The following PFKM variants were observed in gnomAD, a reference collection of about 807,000 sequenced individuals.
The protein encoded by PFKM is ATP-dependent 6-phosphofructokinase, muscle type.
PFKM carries 58 observed loss-of-function variants against 95.5 expected under a neutral mutation model. That is an observed-to-expected ratio of 0.61 (90% CI 0.49 to 0.76). The LOEUF (loss-of-function observed/expected upper bound fraction) is 0.76. Ranked by LOEUF, PFKM falls within the 30% of genes least tolerant of loss-of-function variation. The pLI, the probability that PFKM is intolerant of heterozygous loss-of-function variation, is 0.00. For synonymous variants in PFKM, 336 were observed against 357.2 expected (o/e 0.94, Z 0.67); for missense variants, 678 against 1,005.4 (o/e 0.67, Z 4.40).
In PFKM at chr12:48,140,038, T is replaced by C. The variant is rs77822177; in HGVS notation, c.1191+126T>C. The C allele has an allele frequency of 0.012, 8,344 of 697,612 alleles. 747 individuals carry two copies. The Admixed American group carries it at 0.16, about 13-fold the overall frequency. The allele number at this position is 697,612 out of a possible 1,614,324, so 43.2% of individuals were successfully genotyped here. On this transcript the variant is annotated intron_variant, in intron 13 of 22. Coordinates refer to ENST00000359794, the MANE Select transcript of PFKM (RefSeq NM_000289.6). ...TTCTCTGCCCCACTCTGATCTTCAGTGCTGGGTCCCTGGCCCTATTATAAT... is the reference window on the plus strand; with the variant it reads ...TTCTCTGCCCCACTCTGATCTTCAGCGCTGGGTCCCTGGCCCTATTATAAT...
intron 2 of PFKM, chr12:48,108,024 C>T (rs1022529433): frequency 1.4e-5 from 22 of 1,593,506 alleles, no homozygotes; most frequent in Non-Finnish European, 1.7e-5. Flanking sequence ...GGAACACTCC[C>T]TTCCCAGAAT....
At chr12:48,136,099 G>C (rs144488860) in intron 10 of PFKM, among the ~76,000 whole-genome samples, 1 of 152,088 alleles carries the variant, frequency 6.6e-6, no homozygotes, top group Non-Finnish European at 1.5e-5. Flanking sequence ...GTGTTAGCCA[G>C]GATGGTCTTG....
chr12:48,133,583 T>TA, intron 6 of PFKM, 103 bp downstream of exon 6: 1 of 1,031,514 alleles, frequency 9.7e-7, no homozygotes, highest in East Asian at 2.4e-5. Flanking sequence ...ATGGTGACTA[T>TA]AATGGCCAGT....
At chr12:48,141,682 C>T (rs78496902) in intron 15 of PFKM, 58 bp from the exon 16 acceptor site, 7 of 1,296,300 alleles carry the variant, frequency 5.4e-6, no homozygotes, top group African/African-American at 1.5e-5. Context: ...CTCAATTTTC[C>T]TGTCTCTTCC....
intron 11 of PFKM, 76 bp downstream of exon 11, chr12:48,137,922 T>C (rs1950246924): frequency 6.6e-7 from 1 of 1,519,982 alleles, no homozygotes; most frequent in South Asian, 1.1e-5. Context: ...TGAGACTATG[T>C]CTAAGGCCAC....
At chr12:48,135,181 A>G in intron 9 of PFKM, 110 bp from the exon 10 acceptor site, 2 of 1,163,562 alleles carry the variant, frequency 1.7e-6, no homozygotes, top group Admixed American at 3.5e-5. Context: ...CCCACAAAGA[A>G]CCATTACAAG....
At chr12:48,108,088 T>C (rs1390707441) in exon 3 of PFKM, 1 of 1,599,426 alleles carries the variant, frequency 6.3e-7, no homozygotes, top group Non-Finnish European at 8.5e-7. Flanking sequence ...AAGCTTCTAC[T>C]TCCAGCATGC....
rs1319865132 is a variant in PFKM at position 48,145,946 on chromosome 12, C to T, written c.*238C>T. 1 of 552,380 alleles carries T rather than the reference C, an allele frequency of 1.8e-6. No homozygotes were observed. Among genetic ancestry groups the T allele is most frequent in the African/African-American group, 1.9e-5 (1 of 53,052 alleles). The allele number at this position is 552,380 out of a possible 1,614,324, so 34.2% of individuals were successfully genotyped here. A position where few individuals can be genotyped will look rare whatever the true frequency, so the allele number is the denominator to read the frequency against. ...TTTATCTGTCACACAAGGCTGGGCA[C>T]CTCTAGTGCTACTGCTAGATATCAC... On this transcript the variant is annotated 3_prime_UTR_variant, in exon 23 of 23. Transcript: ENST00000359794. The surrounding 1 kb of genome is among the most constrained non-coding windows in gnomAD (Gnocchi z 4.3).
At chr12:48,140,668 C>A in intron 13 of PFKM, 54 bp from the exon 14 acceptor site, 1 of 1,593,428 alleles carries the variant, frequency 6.3e-7, no homozygotes, top group Non-Finnish European at 8.6e-7. Flanking sequence ...TAACCTCCTC[C>A]CTGTTCCCCT....
At chr12:48,135,807 C>T (rs1950024803) in intron 10 of PFKM, among the ~76,000 whole-genome samples, 1 of 152,130 alleles carries the variant, frequency 6.6e-6, no homozygotes, top group Non-Finnish European at 1.5e-5. Flanking sequence ...AGCTACAGAA[C>T]ATTTCTGTTA....
chr12:48,131,801 C>T (rs1949522689), intron 4 of PFKM: 2 of 360,830 alleles, frequency 5.5e-6, no homozygotes, highest in Non-Finnish European at 1.1e-5. Flanking sequence ...AACCAGACCA[C>T]TTAAAGGACG....
chr12:48,124,358 T>C (rs117381195), intron 2 of PFKM, among the ~76,000 whole-genome samples: 2,302 of 152,296 alleles, frequency 0.015, 32 homozygotes, highest in Non-Finnish European at 0.025. Context: ...CTGAATTCTT[T>C]AACATGTACT....
chr12:48,140,957 T>C, intron 14 of PFKM, 86 bp downstream of exon 14: 1 of 1,377,600 alleles, frequency 7.3e-7, no homozygotes, highest in Non-Finnish European at 1.0e-6. Flanking sequence ...TGGCTTCCTC[T>C]GTTCCTCACT....
At chr12:48,137,486 T>C (rs1950204576) in intron 10 of PFKM, 1 of 576,870 alleles carries the variant, frequency 1.7e-6, no homozygotes, top group East Asian at 3.0e-5. Flanking sequence ...ATAGTGGGCA[T>C]GTTTCTCTAG....
intron 2 of PFKM, among the ~76,000 whole-genome samples, chr12:48,123,479 C>A (rs534746560): frequency 3.7e-4 from 56 of 151,958 alleles, no homozygotes; most frequent in Middle Eastern, 3.4e-3. Flanking sequence ...CTGGGAGTCA[C>A]GAAAATTAGG....
chr12:48,136,467 C>T (rs1350302078), intron 10 of PFKM, among the ~76,000 whole-genome samples: 1 of 152,078 alleles, frequency 6.6e-6, no homozygotes, highest in Non-Finnish European at 1.5e-5. Flanking sequence ...AGGGATAAAG[C>T]GACTATGAAC....
At chr12:48,128,131 CT>C (rs1949042132) in intron 2 of PFKM, among the ~76,000 whole-genome samples, 5 of 152,202 alleles carry the variant, frequency 3.3e-5, no homozygotes, top group Admixed American at 6.5e-5. Context: ...AATTATCCAC[CT>C]GACAGAAAAA....
At chr12:48,120,134 C>G (rs892151041) in intron 1 of PFKM, among the ~76,000 whole-genome samples, 1 of 152,158 alleles carries the variant, frequency 6.6e-6, no homozygotes, top group African/African-American at 2.4e-5. Context: ...GCCCTAGTCA[C>G]TTAATCTTTC....
intron 5 of PFKM, 77 bp downstream of exon 5, chr12:48,133,134 CCTG>C: frequency 7.1e-7 from 1 of 1,413,030 alleles, no homozygotes; most frequent in South Asian, 1.2e-5. Context: ...TCGCCCCCGC[CCTG>C]CTTTTACCTC....
Sources: allele counts gnomAD v4.1 joint callset (sites outside exome capture counted in the v4.1 genomes callset), GRCh38; gene constraint gnomAD v4.1.1; non-coding constraint Gnocchi (gnomAD v3.1); transcripts MANE v1.5; gene names NCBI Gene and HGNC (gene_info 2026-07-23, HGNC 2026-07-21).